The following MRPS9 variants were observed in gnomAD, a reference collection of about 807,000 sequenced individuals.
MRPS9 encodes the protein mitochondrial ribosomal protein S9, also known as small ribosomal subunit protein uS9m.
Under a neutral mutation model 59.9 loss-of-function variants are expected in MRPS9, and 45 were observed. The observed-to-expected ratio is 0.75, with a 90% confidence interval of 0.59 to 0.96. The LOEUF is 0.96. Among genes scored for constraint, MRPS9 ranks in the 40% least tolerant of loss-of-function variants. MRPS9 has a pLI of 0.00. For missense variants in MRPS9, 473 were observed against 481.1 expected (o/e 0.98, Z 0.16); for synonymous variants, 171 against 166.8 (o/e 1.03, Z -0.19).
intron 1 of MRPS9, among the ~76,000 whole-genome samples, chr2:105,045,115 AAGAG>A (rs1264613988): frequency 6.6e-6 from 1 of 152,204 alleles, no homozygotes; most frequent in African/African-American, 2.4e-5. Context: ...AAATAAGACT[AAGAG>A]AAGCTGATCT....
intron 2 of MRPS9, among the ~76,000 whole-genome samples, chr2:105,055,530 G>A (rs1283071901): frequency 7.0e-6 from 1 of 142,676 alleles, no homozygotes; most frequent in Non-Finnish European, 1.5e-5. Flanking sequence ...TTTTGGTATC[G>A]CATTTTATTA....
chr2:105,074,053 GA>G (rs1396874702), intron 4 of MRPS9, among the ~76,000 whole-genome samples: 12 of 152,202 alleles, frequency 7.9e-5, no homozygotes, highest in Middle Eastern at 3.4e-3. Flanking sequence ...TCTGAGTTAA[GA>G]TCAATAGAAC....
At position 105,038,117 on chromosome 2, in the gene MRPS9, G is replaced by A. The variant is rs779286962; in HGVS notation, c.25G>A (p.Gly9Ser). Residue 9 changes from glycine to serine, a missense_variant, in exon 1 of 11, where the codon GGC (glycine) becomes AGC (serine). Gly to Ser is a moderately conservative substitution (Grantham distance 56). Coordinates refer to ENST00000258455, the MANE Select transcript of MRPS9 (RefSeq NM_182640.3). ...CATGGCGGCGCCCTGTGTGTCCTAC[G>A]GCGGAGCAGTTTCGTACCGGCTTCT... MAAPCVSY[G>S]GAVSYRLLLW... 12 of 1,613,820 alleles carry A rather than the reference G, an allele frequency of 7.4e-6. No homozygotes were observed. Among genetic ancestry groups the A allele is most frequent in the South Asian group, 6.6e-5 (6 of 91,040 alleles).
chr2:105,065,495 T>C (rs916021107), intron 2 of MRPS9, among the ~76,000 whole-genome samples: 1 of 152,246 alleles, frequency 6.6e-6, no homozygotes, highest in Non-Finnish European at 1.5e-5. Flanking sequence ...TGACTACTAG[T>C]TGTATTTTTA....
intron 4 of MRPS9, among the ~76,000 whole-genome samples, chr2:105,078,371 C>A (rs958001045): frequency 6.7e-6 from 1 of 148,946 alleles, no homozygotes; most frequent in African/African-American, 2.5e-5. Flanking sequence ...GAAATCAATC[C>A]CATGATATGA....
chr2:105,079,275 A>G (rs900260969), intron 4 of MRPS9, among the ~76,000 whole-genome samples: 1 of 126,646 alleles, frequency 7.9e-6, no homozygotes, highest in African/African-American at 3.1e-5. Context: ...CAGAGAAACA[A>G]CAGAGATAGT....
At position 105,084,246 on chromosome 2, in the gene MRPS9, A is replaced by AT. The variant is rs1255629405; in HGVS notation, c.489+4184_489+4185insT. ...ATGGCCACAGATGAAATATATACCA[A>AT]AATATATATATATATATATATATGT... On this transcript the variant is annotated intron_variant, in intron 5 of 10. Transcript: ENST00000258455. 1.0e-3 allele frequency among the ~76,000 whole-genome samples: 137 copies of AT among 134,486 alleles called. 1 individual carries two copies. The highest frequency in any genetic ancestry group is 3.1e-3 in the African/African-American group (114 of 36,658). 88.2% of individuals were successfully genotyped at this position (134,486 alleles called of 152,430 possible).
Position 105,039,317 on chromosome 2 carries a change from GT to G in MRPS9, c.135+1104del, listed in dbSNP as rs11423412. On this transcript the variant is annotated intron_variant, in intron 1 of 10. Transcript: ENST00000258455. ...ATTCTATCTATTCATGTGGACATTT[GT>G]TTTTTTTTTTTTTCTTACTGGAAAA... Among the ~76,000 whole-genome samples, 886 of 134,350 alleles carry G rather than the reference GT, an allele frequency of 6.6e-3. 12 individuals are homozygous for G. Among genetic ancestry groups the G allele is most frequent in the African/African-American group, 0.022 (800 of 36,360 alleles). 88.1% of individuals were successfully genotyped at this position (134,350 alleles called of 152,430 possible).
intron 4 of MRPS9, 41 bp from the exon 5 acceptor site, chr2:105,079,942 T>G: frequency 6.9e-7 from 1 of 1,457,176 alleles, no homozygotes; most frequent in South Asian, 1.2e-5. Flanking sequence ...TCTGTCTCTG[T>G]GTATATTTTT....
At chr2:105,091,349 A>G (rs766809565) in intron 7 of MRPS9, 1 of 471,076 alleles carries the variant, frequency 2.1e-6, no homozygotes, top group Non-Finnish European at 4.4e-6. Context: ...AGTCTGTGAG[A>G]TGCAATCAAG....
Position 105,046,568 on chromosome 2 carries a change from C to T in MRPS9, c.136-2603C>T, listed in dbSNP as rs902953481. On this transcript the variant is annotated intron_variant, in intron 1 of 10. Transcript: ENST00000258455. ...GTCTTCCTGGGATGTCCATCAACAT[C>T]TCACACACATTCTCAAATTTGAACG... 2.2e-4 allele frequency among the ~76,000 whole-genome samples: 33 copies of T among 151,972 alleles called. 2 individuals are homozygous for T. The highest frequency in any genetic ancestry group is 2.9e-5 in the Non-Finnish European group (2 of 67,926).
chr2:105,078,368 A>G (rs925210685), intron 4 of MRPS9, among the ~76,000 whole-genome samples: 2 of 150,964 alleles, frequency 1.3e-5, no homozygotes, highest in Non-Finnish European at 3.0e-5. Context: ...AATGAAATCA[A>G]TCCCATGATA....
At position 105,099,746 on chromosome 2, in the gene MRPS9, G is replaced by A. The variant is rs371901852; in HGVS notation, c.1176G>A (p.Thr392=). 3.1e-5 allele frequency: 50 copies of A among 1,614,066 alleles called. No individual in the cohort carries two copies. The highest frequency in any genetic ancestry group is 6.7e-5 in the African/African-American group (5 of 74,932). ...PGQEGARRKF[T]WKKR Reference sequence around the variant, plus strand: ...AAGAGGGAGCCCGCAGAAAGTTTACGTGGAAGAAACGCTAAGGGTTTGCTC... The same window carrying A: ...AAGAGGGAGCCCGCAGAAAGTTTACATGGAAGAAACGCTAAGGGTTTGCTC... Residue 392 remains threonine, a synonymous_variant, in exon 11 of 11, where the codon ACG becomes ACA. Coordinates refer to ENST00000258455, the MANE Select transcript of MRPS9 (RefSeq NM_182640.3).
intron 4 of MRPS9, among the ~76,000 whole-genome samples, chr2:105,079,073 G>A (rs1573439899): frequency 1.3e-5 from 2 of 152,124 alleles, no homozygotes; most frequent in African/African-American, 4.8e-5. Context: ...TGCCTATAAA[G>A]GATTCCTTCA....
chr2:105,088,811 G>A (rs552440405), intron 5 of MRPS9, among the ~76,000 whole-genome samples, 173 bp from the exon 6 acceptor site: 50 of 152,132 alleles, frequency 3.3e-4, no homozygotes, highest in African/African-American at 1.2e-3. Flanking sequence ...TAGTTTAAAT[G>A]AGAAATAGTA....
At chr2:105,093,309 A>G (rs1211221243) in intron 8 of MRPS9, among the ~76,000 whole-genome samples, 1 of 152,158 alleles carries the variant, frequency 6.6e-6, no homozygotes, top group Non-Finnish European at 1.5e-5. Context: ...TGTTTCTAAA[A>G]TGGAATTGAA....
At chr2:105,066,379 A>G (rs1680000962) in intron 2 of MRPS9, among the ~76,000 whole-genome samples, 2 of 152,212 alleles carry the variant, frequency 1.3e-5, no homozygotes, top group Non-Finnish European at 2.9e-5. Context: ...GAAGACTTCT[A>G]GCGAATTCTT....
intron 1 of MRPS9, among the ~76,000 whole-genome samples, chr2:105,042,791 A>G (rs1679524397): frequency 6.6e-6 from 1 of 152,222 alleles, no homozygotes; most frequent in East Asian, 1.9e-4. Context: ...AGCCTGGTCT[A>G]TAATAATTGC....
At chr2:105,067,586 A>C (rs534469732) in intron 2 of MRPS9, among the ~76,000 whole-genome samples, 1 of 152,306 alleles carries the variant, frequency 6.6e-6, no homozygotes, top group East Asian at 1.9e-4. Flanking sequence ...CCTTTCAGCC[A>C]GTGGCTTTAG....
Sources: gnomAD v4.1 joint callset for allele counts (sites outside exome capture counted in the v4.1 genomes callset) on GRCh38, gnomAD v4.1.1 for gene constraint, MANE v1.5 for transcripts, NCBI Gene and HGNC (gene_info 2026-07-23, HGNC 2026-07-21) for gene names.